Variants in DPP6 observed in about 807,000 individuals in gnomAD.
DPP6 encodes A-type potassium channel modulatory protein DPP6.
DPP6 carries 69 observed loss-of-function variants against 122.6 expected under a neutral mutation model. The ratio of observed to expected loss-of-function variants is 0.56; its 90% CI spans 0.46 to 0.69. The LOEUF is 0.69. DPP6 is among the 30% of genes least tolerant of loss of function. The pLI, the probability that DPP6 is intolerant of heterozygous loss-of-function variation, is 0.00. For synonymous variants in DPP6, 418 were observed against 433.1 expected, an observed-to-expected ratio of 0.97 and a Z score of 0.43; for missense variants, 928 against 1,116.9, an observed-to-expected ratio of 0.83 and a Z score of 2.41.
intron 7 of DPP6, among the ~76,000 whole-genome samples, chr7:154,691,472 A>G (rs59870539): frequency 0.17 from 25,675 of 152,102 alleles, 2,698 homozygotes; most frequent in African/African-American, 0.31. Flanking sequence ...TAGTAATACA[A>G]AATGTCCCTG....
At chr7:153,824,089 A>G in the DPP6 span, among the ~76,000 whole-genome samples, 30 of 152,228 alleles carry the variant, frequency 2.0e-4, no homozygotes, top group African/African-American at 7.2e-4. Flanking sequence ...ACCCTATCAC[A>G]TCAGAAATAG....
At chr7:154,728,928 G>C (rs909728576) in intron 8 of DPP6, among the ~76,000 whole-genome samples, 18 of 152,278 alleles carry the variant, frequency 1.2e-4, no homozygotes, top group Admixed American at 1.0e-3. Context: ...ACCTTACAAA[G>C]GCTCCACCTC....
intron 1 of DPP6, among the ~76,000 whole-genome samples, chr7:154,198,780 T>C (rs73729299): frequency 2.0e-5 from 3 of 152,286 alleles, no homozygotes; most frequent in African/African-American, 7.2e-5. Flanking sequence ...GCCTCTCTCC[T>C]CTGTTTTGTA....
At chr7:154,072,864 T>C (rs1192859600) in intron 1 of DPP6, among the ~76,000 whole-genome samples, 11 of 152,246 alleles carry the variant, frequency 7.2e-5, no homozygotes, top group Non-Finnish European at 1.2e-4. Context: ...TCACTTAATG[T>C]GGTTTGCAGA....
At chr7:153,936,922 T>C (rs1034830681) in intron 1 of DPP6, among the ~76,000 whole-genome samples, 1 of 152,148 alleles carries the variant, frequency 6.6e-6, no homozygotes, top group African/African-American at 2.4e-5. Flanking sequence ...TGGGACTTTG[T>C]ATGGCAGCCA....
At chr7:154,779,300 ACCACCACCCCCACCATCGCCT>A in intron 10 of DPP6, among the ~76,000 whole-genome samples, 1 of 102,930 alleles carries the variant, frequency 9.7e-6, no homozygotes, top group South Asian at 3.3e-4. Context: ...CACTACTATC[ACCACCACCCCCACCATCGCCT>A]CCACCACCAC....
chr7:154,156,789 G>GTAGGTAGA (rs1554478267), intron 1 of DPP6, among the ~76,000 whole-genome samples: 1 of 151,708 alleles, frequency 6.6e-6, no homozygotes, highest in African/African-American at 2.4e-5. Flanking sequence ...AGGTAGGTAG[G>GTAGGTAGA]TAGATAGATA....
intron 4 of DPP6, among the ~76,000 whole-genome samples, chr7:154,563,746 T>C (rs1830571539): frequency 6.6e-6 from 1 of 151,866 alleles, no homozygotes; most frequent in South Asian, 2.1e-4. Flanking sequence ...AGTAGAAGGG[T>C]CTCAGCTTAT....
At chr7:154,137,062 T>G (rs1490128375) in intron 1 of DPP6, among the ~76,000 whole-genome samples, 1 of 152,216 alleles carries the variant, frequency 6.6e-6, no homozygotes, top group African/African-American at 2.4e-5. Flanking sequence ...GGGACATTCT[T>G]ATGAAGCCCT....
At chr7:154,753,699 G>A (rs1392403390) in intron 8 of DPP6, among the ~76,000 whole-genome samples, 2 of 152,170 alleles carry the variant, frequency 1.3e-5, no homozygotes, top group Non-Finnish European at 1.5e-5. Context: ...GAAATTTTGA[G>A]GATGGAAAAG....
intron 1 of DPP6, among the ~76,000 whole-genome samples, chr7:154,199,163 G>T (rs1029657164): frequency 6.6e-6 from 1 of 151,990 alleles, no homozygotes; most frequent in East Asian, 1.9e-4. Flanking sequence ...ATTGCAAGTC[G>T]TCAGGAGTTT....
At chr7:154,590,180 T>G (rs1832719165) in intron 5 of DPP6, among the ~76,000 whole-genome samples, 1 of 152,186 alleles carries the variant, frequency 6.6e-6, no homozygotes, top group Non-Finnish European at 1.5e-5. Flanking sequence ...CAGATGACCC[T>G]GCAGTGATAG....
the DPP6 span, among the ~76,000 whole-genome samples, chr7:153,863,324 C>A: frequency 6.6e-6 from 1 of 152,082 alleles, no homozygotes; most frequent in African/African-American, 2.4e-5. Flanking sequence ...TTTCTTTATC[C>A]GGTCTATCAT....
chr7:154,386,060 G>T (rs183088959), intron 1 of DPP6, among the ~76,000 whole-genome samples: 11 of 152,182 alleles, frequency 7.2e-5, no homozygotes, highest in Non-Finnish European at 1.2e-4. Flanking sequence ...GAAAAATGCT[G>T]CTAGTGCCAA....
intron 1 of DPP6, among the ~76,000 whole-genome samples, chr7:154,349,688 G>A (rs777531568): frequency 6.6e-5 from 10 of 152,058 alleles, no homozygotes; most frequent in African/African-American, 1.2e-4. Context: ...TAATATGTTC[G>A]CCTGTGTGAC....
intron 1 of DPP6, among the ~76,000 whole-genome samples, chr7:154,321,263 C>G (rs929206445): frequency 1.1e-4 from 16 of 150,936 alleles, no homozygotes; most frequent in Non-Finnish European, 1.8e-4. Flanking sequence ...GGTGACAGAG[C>G]CAGACCCTGT....
chr7:154,744,011 G>T (rs1020780927), intron 8 of DPP6, among the ~76,000 whole-genome samples: 5 of 152,196 alleles, frequency 3.3e-5, no homozygotes, highest in Admixed American at 6.5e-5. Context: ...GGTGACAAGC[G>T]GCCCTGTGTC....
chr7:154,634,374 G>A (rs1313348259), intron 5 of DPP6, among the ~76,000 whole-genome samples: 2 of 151,774 alleles, frequency 1.3e-5, no homozygotes, highest in Non-Finnish European at 2.9e-5. Flanking sequence ...GTATTCCATG[G>A]TGTATATGTG....
At chr7:154,567,018 C>T (rs1586645022) in intron 5 of DPP6, 102 bp downstream of exon 5, 2 of 843,526 alleles carry the variant, frequency 2.4e-6, no homozygotes, top group Non-Finnish European at 3.7e-6. Flanking sequence ...ATCTTTGAAT[C>T]CAGAAATACT....
Sources: gnomAD v4.1 joint callset for allele counts (sites outside exome capture counted in the v4.1 genomes callset) on GRCh38, gnomAD v4.1.1 for gene constraint, MANE v1.5 for transcripts, NCBI Gene and HGNC (gene_info 2026-07-23, HGNC 2026-07-21) for gene names.